Variants in TSHR observed in about 807,000 individuals in gnomAD.
TSHR encodes the protein thyroid stimulating hormone receptor.
TSHR carries 51 observed loss-of-function variants against 64.1 expected under a neutral mutation model. The ratio of observed to expected loss-of-function variants is 0.80; its 90% confidence interval spans 0.64 to 1.01. TSHR has a LOEUF of 1.01. TSHR is among the 50% of genes least tolerant of loss of function. The pLI, the probability that TSHR is intolerant of heterozygous loss-of-function variation, is 0.00. For synonymous variants in TSHR, 361 were observed against 361.9 expected (o/e 1.00, Z 0.03); for missense variants, 877 against 942.8 (o/e 0.93, Z 0.91).
intron 1 of TSHR, 87 bp downstream of exon 1, chr14:80,955,937 A>C: frequency 6.6e-7 from 1 of 1,522,520 alleles, no homozygotes; most frequent in Non-Finnish European, 9.1e-7. Context: ...CAGCTCAATA[A>C]CAGCCCGAAG....
chr14:81,023,234 T>C (rs1254631296), intron 1 of TSHR, among the ~76,000 whole-genome samples: 7 of 152,118 alleles, frequency 4.6e-5, no homozygotes, highest in Non-Finnish European at 7.4e-5. Context: ...CATCAGTCTT[T>C]ATCTGTCTTC....
At chr14:80,977,704 C>A (rs1175399703) in intron 1 of TSHR, among the ~76,000 whole-genome samples, 1 of 152,096 alleles carries the variant, frequency 6.6e-6, no homozygotes, top group Non-Finnish European at 1.5e-5. Flanking sequence ...GCTGCTTGTA[C>A]CACAGCCTGG....
At chr14:80,965,690 A>G (rs1009929623) in intron 1 of TSHR, among the ~76,000 whole-genome samples, 15 of 152,330 alleles carry the variant, frequency 9.8e-5, no homozygotes, top group African/African-American at 3.4e-4. Context: ...AAAATTATAG[A>G]TTGAGTTTTA....
chr14:80,975,574 C>A (rs1887824545), intron 1 of TSHR, among the ~76,000 whole-genome samples: 1 of 152,206 alleles, frequency 6.6e-6, no homozygotes, highest in South Asian at 2.1e-4. Context: ...TCTCATGTTG[C>A]TCTTCTGATT....
intron 1 of TSHR, chr14:81,049,580 A>T (rs902883775): frequency 6.7e-6 from 1 of 148,814 alleles, no homozygotes; most frequent in African/African-American, 2.4e-5. Flanking sequence ...GCAAAGAGAT[A>T]CATTTAAGTT....
intron 1 of TSHR, among the ~76,000 whole-genome samples, chr14:81,029,146 C>A (rs2139817378): frequency 6.6e-6 from 1 of 152,030 alleles, no homozygotes; most frequent in East Asian, 1.9e-4. Flanking sequence ...AAAACCATAA[C>A]AAAGGCCATC....
intron 8 of TSHR, among the ~76,000 whole-genome samples, chr14:81,123,391 TTC>T (rs751416218): frequency 4.7e-4 from 71 of 152,358 alleles, no homozygotes; most frequent in Middle Eastern, 3.4e-3. Flanking sequence ...CCCACATAGC[TTC>T]TTTCCATAAT....
Position 81,102,799 on chromosome 14 carries a change from G to A in TSHR, c.615-5576G>A, listed in dbSNP as rs1167014355. 2.6e-5 allele frequency: 26 copies of A among 985,384 alleles called. No homozygotes were observed. In the East Asian group the frequency reaches 7.9e-4, roughly 30 times the overall value. 61.0% of individuals were successfully genotyped at this position (985,384 alleles called of 1,614,324 possible). On this transcript the variant is annotated intron_variant, in intron 7 of 9. Transcript: ENST00000298171. ...TCAGTGAGGATGACCATTGTGTGGC[G>A]AAATATGTACTCTGTTTCTCTGAAT...
At chr14:80,969,023 G>A (rs1887454363) in intron 1 of TSHR, among the ~76,000 whole-genome samples, 1 of 152,200 alleles carries the variant, frequency 6.6e-6, no homozygotes. Flanking sequence ...TTACTAGGGT[G>A]ATGGTGAGAT....
At chr14:81,000,175 G>A (rs987212720) in intron 1 of TSHR, among the ~76,000 whole-genome samples, 20 of 151,924 alleles carry the variant, frequency 1.3e-4, no homozygotes, top group South Asian at 8.3e-4. Context: ...CAGGCAATCC[G>A]CCCGCCTTGG....
At chr14:81,016,053 C>G (rs994438221) in intron 1 of TSHR, among the ~76,000 whole-genome samples, 1 of 151,270 alleles carries the variant, frequency 6.6e-6, no homozygotes, top group African/African-American at 2.4e-5. Flanking sequence ...GATTCCAAAT[C>G]TTGACTATTG....
intron 1 of TSHR, chr14:80,994,730 C>G (rs1376477199): frequency 2.6e-5 from 4 of 152,152 alleles, no homozygotes; most frequent in Admixed American, 2.6e-4. Context: ...AAAATTAACT[C>G]AAGATGGATT....
Position 81,112,155 on chromosome 14 carries a change from C to T in TSHR, c.692+3703C>T, listed in dbSNP as rs186326812. On this transcript the variant is annotated intron_variant, in intron 8 of 9. Transcript: ENST00000298171. ...ACCTGGAGTTGACTCCCAGCCCCAT[C>T]ACTTACTAACTGTAAGACCCAAGTC... Among the ~76,000 whole-genome samples, 17 of 152,296 alleles carry T rather than the reference C, an allele frequency of 1.1e-4. 1 individual carries two copies. The highest frequency in any genetic ancestry group is 4.1e-4 in the African/African-American group (17 of 41,562).
chr14:81,078,972 T>G (rs748003605), intron 3 of TSHR: 1 of 152,194 alleles, frequency 6.6e-6, no homozygotes, highest in Non-Finnish European at 1.5e-5. Context: ...AACCACTTAA[T>G]CTGGGGTAAT....
intron 1 of TSHR, among the ~76,000 whole-genome samples, chr14:81,055,601 T>C (rs1885733492): frequency 6.6e-6 from 1 of 152,188 alleles, no homozygotes; most frequent in Non-Finnish European, 1.5e-5. Flanking sequence ...AACTCAACCC[T>C]TGCATCAGTG....
intron 3 of TSHR, among the ~76,000 whole-genome samples, chr14:81,071,321 C>G (rs1887050678): frequency 6.6e-6 from 1 of 152,142 alleles, no homozygotes; most frequent in African/African-American, 2.4e-5. Context: ...GACCTTTTAT[C>G]TTTATTATAT....
chr14:81,045,578 G>A (rs1443689428), intron 1 of TSHR, among the ~76,000 whole-genome samples: 4 of 151,872 alleles, frequency 2.6e-5, no homozygotes, highest in Admixed American at 6.6e-5. Context: ...AGTGTACATC[G>A]TTCCCCCTCA....
At chr14:81,122,503 T>C (rs779751865) in intron 8 of TSHR, among the ~76,000 whole-genome samples, 21 of 151,372 alleles carry the variant, frequency 1.4e-4, no homozygotes, top group Admixed American at 5.9e-4. Flanking sequence ...ATATGCAAAG[T>C]TGCAATAACC....
rs374604923 is a variant in TSHR, at chr14:81,142,745, G to T, written c.882-195G>T. Among the ~76,000 whole-genome samples the T allele has an allele frequency of 3.8e-3, 572 of 151,030 alleles. 11 individuals are homozygous for T. The highest frequency in any genetic ancestry group is 0.031 in the Middle Eastern group (9 of 292). On this transcript the variant is annotated intron_variant, in intron 9 of 9. Transcript: ENST00000298171. ...CCACCTCAGCCTCCCGAGTAGCTAC[G>T]ACCATAGGCACATACCACCATGCCC...
Sources: allele counts gnomAD v4.1 joint callset (sites outside exome capture counted in the v4.1 genomes callset), GRCh38; gene constraint gnomAD v4.1.1; transcripts MANE v1.5; gene names NCBI Gene and HGNC (gene_info 2026-07-23, HGNC 2026-07-21).